Variants in ADGRB3 observed in about 807,000 individuals in gnomAD.
ADGRB3 encodes the protein adhesion G protein-coupled receptor B3.
A neutral mutation model predicts 193.4 loss-of-function variants in ADGRB3; 37 were observed. The observed-to-expected ratio is 0.19, with a 90% CI of 0.15 to 0.25. ADGRB3 has a LOEUF of 0.25. Among genes scored for constraint, ADGRB3 ranks in the 10% least tolerant of loss-of-function variants. The pLI, the probability that ADGRB3 is intolerant of heterozygous loss-of-function variation, is 1.00. For synonymous variants in ADGRB3, 690 were observed against 644.2 expected, an observed-to-expected ratio of 1.07 and a Z score of -1.08; for missense variants, 1,637 against 1,852.9, an observed-to-expected ratio of 0.88 and a Z score of 2.14.
chr6:68,834,596 G>T (rs934873443), intron 3 of ADGRB3, among the ~76,000 whole-genome samples: 4 of 152,112 alleles, frequency 2.6e-5, no homozygotes, highest in African/African-American at 9.7e-5. Context: ...CAGAAATCTA[G>T]AAGATTGCAG....
At chr6:69,136,753 A>G (rs915607485) in intron 17 of ADGRB3, among the ~76,000 whole-genome samples, 1 of 151,990 alleles carries the variant, frequency 6.6e-6, no homozygotes, top group Admixed American at 6.6e-5. Flanking sequence ...AGCCATAGCC[A>G]TATTTAGAGC....
Position 68,993,761 on chromosome 6 carries a change from A to G in ADGRB3, c.1735-7A>G, listed in dbSNP as rs1769305991. 7 of 1,610,816 alleles carry G rather than the reference A, an allele frequency of 4.3e-6. No individual in the cohort carries two copies. Among genetic ancestry groups the G allele is most frequent in the South Asian group, 2.2e-5 (2 of 90,770 alleles). ...TGATGTTTGCTCTGTTCTTTTGACC[A>G]TCACAGATTAAAGAGCACCTTGCTA... On this transcript the variant is annotated splice_region_variant and splice_polypyrimidine_tract_variant and intron_variant, in intron 10 of 31. Coordinates refer to ENST00000370598, the MANE Select transcript of ADGRB3 (RefSeq NM_001704.3).
At chr6:68,902,432 G>A (rs1766421931) in intron 3 of ADGRB3, among the ~76,000 whole-genome samples, 1 of 151,930 alleles carries the variant, frequency 6.6e-6, no homozygotes, top group South Asian at 2.1e-4. Context: ...ACTAGAAACT[G>A]ATTTCTTCAT....
intron 19 of ADGRB3, among the ~76,000 whole-genome samples, chr6:69,235,777 GC>G (rs1766249537): frequency 6.6e-6 from 1 of 151,872 alleles, no homozygotes; most frequent in Admixed American, 6.6e-5. Context: ...ATATATGAAA[GC>G]CTAGTATTTT....
intron 3 of ADGRB3, among the ~76,000 whole-genome samples, chr6:68,697,853 T>A (rs564086637): frequency 2.0e-5 from 3 of 152,014 alleles, no homozygotes; most frequent in African/African-American, 7.2e-5. Context: ...GAATTCTGAC[T>A]CCATCAATTA....
At chr6:68,792,217 G>C (rs1250747115) in intron 3 of ADGRB3, among the ~76,000 whole-genome samples, 2 of 152,154 alleles carry the variant, frequency 1.3e-5, no homozygotes, top group African/African-American at 4.8e-5. Flanking sequence ...AATTCATAAA[G>C]AAGTCTAGGT....
At chr6:69,088,353 A>T (rs1352060562) in intron 17 of ADGRB3, among the ~76,000 whole-genome samples, 1 of 151,976 alleles carries the variant, frequency 6.6e-6, no homozygotes, top group Admixed American at 6.6e-5. Context: ...AAGCAATCTT[A>T]TGTGTTTCTT....
intron 20 of ADGRB3, among the ~76,000 whole-genome samples, chr6:69,310,120 T>G (rs1247335022): frequency 6.6e-6 from 1 of 151,782 alleles, no homozygotes; most frequent in Non-Finnish European, 1.5e-5. Context: ...AATAAAACAC[T>G]ATACTTAAAA....
At chr6:68,956,533 T>C in intron 7 of ADGRB3, 112 bp from the exon 8 acceptor site, 2 of 1,300,466 alleles carry the variant, frequency 1.5e-6, no homozygotes, top group Non-Finnish European at 2.2e-6. Context: ...TAAGGTTTAT[T>C]CACAGTAGTA....
intron 3 of ADGRB3, among the ~76,000 whole-genome samples, chr6:68,662,144 G>A (rs980541897): frequency 6.6e-6 from 1 of 151,498 alleles, no homozygotes; most frequent in African/African-American, 2.4e-5. Flanking sequence ...GCAATGTCCT[G>A]TGTAAAAACA....
rs1373017314 is a variant in ADGRB3 at position 68,772,953 on chromosome 6, A to T, written c.757+133521A>T. 1.3e-3 allele frequency among the ~76,000 whole-genome samples: 175 copies of T among 139,714 alleles called. 4 individuals carry two copies. Among genetic ancestry groups the T allele is most frequent in the African/African-American group, 4.5e-3 (163 of 36,260 alleles). The allele number at this position is 139,714 out of a possible 152,430, so 91.7% of individuals were successfully genotyped here. The stretch of plus-strand genomic sequence containing the variant: ...TATATACATACACACACAAAAATAA[A>T]AAATAAAAATAAAATAGACAGGCAT... On this transcript the variant is annotated intron_variant, in intron 3 of 31. Transcript: ENST00000370598.
intron 3 of ADGRB3, among the ~76,000 whole-genome samples, chr6:68,871,512 T>A (rs541733618): frequency 7.9e-5 from 12 of 152,142 alleles, no homozygotes; most frequent in Non-Finnish European, 1.5e-4. Flanking sequence ...CTTGTGAATA[T>A]AAACAAGCAT....
chr6:69,077,933 A>G (rs1772280310), intron 17 of ADGRB3, among the ~76,000 whole-genome samples: 1 of 151,998 alleles, frequency 6.6e-6, no homozygotes, highest in African/African-American at 2.4e-5. Flanking sequence ...TTTCATTATT[A>G]AAAGTGTTTT....
At chr6:69,054,505 T>G (rs561889405) in intron 15 of ADGRB3, among the ~76,000 whole-genome samples, 6 of 152,216 alleles carry the variant, frequency 3.9e-5, no homozygotes, top group Admixed American at 2.6e-4. Context: ...TTTTTAATTC[T>G]CACTTTGCAA....
chr6:68,809,519 A>G (rs982750756), intron 3 of ADGRB3, among the ~76,000 whole-genome samples: 10 of 152,224 alleles, frequency 6.6e-5, no homozygotes, highest in African/African-American at 2.2e-4. Flanking sequence ...AATTATAAAA[A>G]GCATGTATCT....
At chr6:68,722,272 C>T (rs1350774742) in intron 3 of ADGRB3, among the ~76,000 whole-genome samples, 2 of 151,536 alleles carry the variant, frequency 1.3e-5, no homozygotes, top group Non-Finnish European at 1.5e-5. Flanking sequence ...GGGAATTGAA[C>T]AATGAGAACA....
At chr6:69,308,538 G>A (rs1768112848) in intron 20 of ADGRB3, among the ~76,000 whole-genome samples, 1 of 151,682 alleles carries the variant, frequency 6.6e-6, no homozygotes, top group African/African-American at 2.4e-5. Flanking sequence ...TCAACTAAAA[G>A]CATAATAATA....
intron 3 of ADGRB3, among the ~76,000 whole-genome samples, chr6:68,657,573 A>C (rs1768520852): frequency 6.6e-6 from 1 of 151,418 alleles, no homozygotes; most frequent in Admixed American, 6.6e-5. Context: ...GTGATCAAGC[A>C]GCTGGCCATG....
chr6:68,751,030 T>A (rs899010155), intron 3 of ADGRB3, among the ~76,000 whole-genome samples: 1 of 152,164 alleles, frequency 6.6e-6, no homozygotes, highest in Non-Finnish European at 1.5e-5. Context: ...GCAGGTTTCC[T>A]CTTCCAGGAC....
Sources: allele counts gnomAD v4.1 joint callset (sites outside exome capture counted in the v4.1 genomes callset), GRCh38; gene constraint gnomAD v4.1.1; transcripts MANE v1.5; gene names NCBI Gene and HGNC (gene_info 2026-07-23, HGNC 2026-07-21).